CALCRL: variants seen among roughly 807,000 people sequenced by gnomAD.
CALCRL encodes calcitonin receptor like receptor, also known as calcitonin gene-related peptide type 1 receptor.
Under a neutral mutation model 60.4 loss-of-function variants are expected in CALCRL, and 27 were observed. The observed-to-expected ratio is 0.45, with a 90% CI of 0.33 to 0.62. The LOEUF is 0.62. Among genes scored for constraint, CALCRL ranks in the 20% least tolerant of loss-of-function variants. The probability of loss-of-function intolerance (pLI) is 0.03; values close to 1 mark genes in which losing one functional copy is unlikely to be tolerated. For missense variants in CALCRL, 424 were observed against 540.7 expected, an observed-to-expected ratio of 0.78 and a Z score of 2.14; for synonymous variants, 190 against 182.6, an observed-to-expected ratio of 1.04 and a Z score of -0.33.
At chr2:187,405,464 T>C (rs1009717145) in intron 1 of CALCRL, among the ~76,000 whole-genome samples, 1 of 152,162 alleles carries the variant, frequency 6.6e-6, no homozygotes, top group Middle Eastern at 3.4e-3. Flanking sequence ...TTTAAATATA[T>C]ATTAACCTTC....
intron 12 of CALCRL, among the ~76,000 whole-genome samples, chr2:187,357,190 A>T (rs1251726138): frequency 6.6e-6 from 1 of 152,138 alleles, no homozygotes; most frequent in Non-Finnish European, 1.5e-5. Flanking sequence ...TCTACTATAA[A>T]GACACATGTA....
chr2:187,352,026 G>T, intron 13 of CALCRL, 65 bp from the exon 14 acceptor site: 1 of 1,516,624 alleles, frequency 6.6e-7, no homozygotes, highest in Non-Finnish European at 9.1e-7. Context: ...TAATCAAATA[G>T]CTGTACAAGT....
chr2:187,347,789 T>G (rs2105683997), intron 14 of CALCRL, among the ~76,000 whole-genome samples: 1 of 151,926 alleles, frequency 6.6e-6, no homozygotes, highest in South Asian at 2.1e-4. Context: ...ACTCAAAGTT[T>G]TATTGTCTCA....
rs751173685 is a variant in CALCRL at position 187,383,203 on chromosome 2, T to A, written c.154A>T (p.Ile52Phe). Residue 52 changes from isoleucine (I) to phenylalanine (F), a missense_variant, in exon 5 of 15, where the codon ATT (isoleucine) becomes TTT (phenylalanine). Physicochemically the swap from Ile to Phe is conservative, Grantham distance 21. This residue lies in a region of CALCRL where 108 missense variants were observed against 132.9 expected (regional missense o/e 0.81). Coordinates refer to ENST00000392370, the MANE Select transcript of CALCRL (RefSeq NM_005795.6). ...MTAQYECYQKIMQDPIQQAEG... is the reference protein window; with the variant it reads ...MTAQYECYQKFMQDPIQQAEG... ...GCTTGTTGAATGGGGTCTTGCATAA[T>A]CTTTTGGTAACATTCATATTGAGCT... 9.3e-6 allele frequency: 15 copies of A among 1,612,118 alleles called. No homozygotes were observed. The East Asian group carries it at 2.2e-4, about 24-fold the overall frequency.
At chr2:187,444,772 T>C (rs879014711) in intron 1 of CALCRL, among the ~76,000 whole-genome samples, 2 of 151,526 alleles carry the variant, frequency 1.3e-5, no homozygotes, top group African/African-American at 4.8e-5. Context: ...TTCTCTTTTT[T>C]GTAATATAGC....
At chr2:187,359,359 A>G in intron 10 of CALCRL, 87 bp from the exon 11 acceptor site, 2 of 980,284 alleles carry the variant, frequency 2.0e-6, no homozygotes, top group Admixed American at 2.9e-5. Context: ...CAAAAATTCA[A>G]AGATACTCTA....
chr2:187,356,044 G>T (rs1030386424), intron 12 of CALCRL, among the ~76,000 whole-genome samples: 8 of 152,048 alleles, frequency 5.3e-5, no homozygotes, highest in African/African-American at 1.9e-4. Flanking sequence ...ATACATAGAA[G>T]AATCAATATC....
intron 1 of CALCRL, among the ~76,000 whole-genome samples, chr2:187,425,373 C>G (rs1004083063): frequency 6.6e-6 from 1 of 151,852 alleles, no homozygotes; most frequent in Non-Finnish European, 1.5e-5. Context: ...ATGGACCTTT[C>G]TTAACTTCCT....
At position 187,387,392 on chromosome 2, in the gene CALCRL, T is replaced by C. The variant is rs1688251657; in HGVS notation, c.-100A>G. 1 of 175,572 alleles carries C rather than the reference T, an allele frequency of 5.7e-6. No individual in the cohort carries two copies. The highest frequency in any genetic ancestry group is 1.2e-5 in the Non-Finnish European group (1 of 83,962). 10.9% of individuals were successfully genotyped at this position (175,572 alleles called of 1,614,324 possible). On this transcript the variant is annotated 5_prime_UTR_variant, in exon 3 of 15. Coordinates refer to ENST00000392370, the MANE Select transcript of CALCRL (RefSeq NM_005795.6). ...CAAGTTGTGGTTGACAAATTGAAGT[T>C]TGCAGCAGTCTTGTCAAGTTGTAGT...
At chr2:187,439,062 G>C (rs1690774349) in intron 1 of CALCRL, among the ~76,000 whole-genome samples, 1 of 152,058 alleles carries the variant, frequency 6.6e-6, no homozygotes, top group Non-Finnish European at 1.5e-5. Context: ...TAAATATTTA[G>C]TAAACAGTTT....
intron 9 of CALCRL, 40 bp downstream of exon 9, chr2:187,363,336 T>C (rs148503711): frequency 3.7e-5 from 59 of 1,585,928 alleles, no homozygotes; most frequent in Admixed American, 5.5e-5. Flanking sequence ...CCCTTTCCCA[T>C]TAGGCCCTTG....
chr2:187,423,703 A>G (rs1447523970), intron 1 of CALCRL, among the ~76,000 whole-genome samples: 1 of 152,034 alleles, frequency 6.6e-6, no homozygotes, highest in Non-Finnish European at 1.5e-5. Flanking sequence ...TTATTGGCAT[A>G]TCCAAAGGCT....
At chr2:187,419,845 T>G (rs959792693) in intron 1 of CALCRL, among the ~76,000 whole-genome samples, 1 of 152,210 alleles carries the variant, frequency 6.6e-6, no homozygotes, top group Non-Finnish European at 1.5e-5. Context: ...CATTCTGTGA[T>G]AGCAAAATGA....
chr2:187,389,324 C>A (rs1199201510), intron 1 of CALCRL, among the ~76,000 whole-genome samples: 1 of 152,068 alleles, frequency 6.6e-6, no homozygotes, highest in African/African-American at 2.4e-5. Flanking sequence ...CCACCCGCCT[C>A]CGCCTCCCAA....
intron 14 of CALCRL, among the ~76,000 whole-genome samples, chr2:187,348,667 C>A (rs1196586173): frequency 6.6e-6 from 1 of 151,672 alleles, no homozygotes; most frequent in Non-Finnish European, 1.5e-5. Context: ...AAGCCAATTT[C>A]ATGAACTGTG....
rs1296763687 is a variant in CALCRL at position 187,342,118 on chromosome 2, A to G, written c.*4066T>C. Reference sequence around the variant, plus strand: ...AAACATGAATGAATTTTAAAAACATAAGTGAAATCATTTAGTCACAAAAGG... The same window carrying G: ...AAACATGAATGAATTTTAAAAACATGAGTGAAATCATTTAGTCACAAAAGG... On this transcript the variant is annotated 3_prime_UTR_variant, in exon 15 of 15. Coordinates refer to ENST00000392370, the MANE Select transcript of CALCRL (RefSeq NM_005795.6). Among the ~76,000 whole-genome samples the G allele has an allele frequency of 6.6e-6, 1 of 151,882 alleles. No homozygotes were observed. Among genetic ancestry groups the G allele is most frequent in the Non-Finnish European group, 1.5e-5 (1 of 67,798 alleles).
At chr2:187,442,161 T>C (rs1282217716) in intron 1 of CALCRL, 1 of 147,654 alleles carries the variant, frequency 6.8e-6, no homozygotes, top group Non-Finnish European at 1.5e-5. Flanking sequence ...TACACACACA[T>C]ATATACGCAC....
Position 187,380,750 on chromosome 2 carries a change from G to A in CALCRL, c.222C>T (p.Cys74=). Residue 74 remains cysteine, a synonymous_variant, in exon 6 of 15, where the codon TGC becomes TGT. Coordinates refer to ENST00000392370, the MANE Select transcript of CALCRL (RefSeq NM_005795.6). ...CAGTTCCTGCTGCAACATCGTTCCA[G>A]CAGAGCCATCCATCCCAGGTTCTGT... ...YCNRTWDGWL[C]WNDVAAGTES... is the part of the protein sequence containing the mutation. 6.2e-7 allele frequency: 1 copy of A among 1,614,062 alleles called. No individual in the cohort carries two copies. Among genetic ancestry groups the A allele is most frequent in the Non-Finnish European group, 8.5e-7 (1 of 1,179,966 alleles).
At chr2:187,370,693 G>A (rs1687480828) in intron 8 of CALCRL, among the ~76,000 whole-genome samples, 1 of 152,104 alleles carries the variant, frequency 6.6e-6, no homozygotes, top group African/African-American at 2.4e-5. Flanking sequence ...TAATAGCAAT[G>A]ACCTTATAGC....
Sources: gnomAD v4.1 joint callset for allele counts (sites outside exome capture counted in the v4.1 genomes callset) on GRCh38, gnomAD v4.1.1 for gene constraint, gnomAD v4.1.1 regional missense constraint, MANE v1.5 for transcripts, NCBI Gene and HGNC (gene_info 2026-07-23, HGNC 2026-07-21) for gene names.